Variants in RABGEF1 observed in about 807,000 individuals in gnomAD.
RABGEF1 encodes the protein RAB guanine nucleotide exchange factor 1.
A neutral mutation model predicts 57.3 loss-of-function variants in RABGEF1; 26 were observed. That is an observed-to-expected ratio of 0.45 (90% CI 0.33 to 0.63). The LOEUF is 0.63. Ranked by LOEUF, RABGEF1 falls within the 20% of genes least tolerant of loss-of-function variation. RABGEF1 has a pLI of 0.02. For missense variants in RABGEF1, 464 were observed against 607.6 expected, an observed-to-expected ratio of 0.76 and a Z score of 2.48; for synonymous variants, 185 against 210.7, an observed-to-expected ratio of 0.88 and a Z score of 1.06.
chr7:66,736,774 T>C (rs1221774539), upstream of RABGEF1, among the ~76,000 whole-genome samples: 1 of 152,080 alleles, frequency 6.6e-6, no homozygotes, highest in Admixed American at 6.6e-5. Flanking sequence ...GGTAGGAGAA[T>C]AGCTTGAACC....
At chr7:66,790,424 C>T (rs1322494902) in intron 4 of RABGEF1, among the ~76,000 whole-genome samples, 4 of 152,086 alleles carry the variant, frequency 2.6e-5, no homozygotes, top group Admixed American at 6.6e-5. Flanking sequence ...GAAAACCCAG[C>T]GTGAAAACCC....
Position 66,809,964 on chromosome 7 carries a change from T to C in RABGEF1, c.*680T>C, listed in dbSNP as rs1789231263. On this transcript the variant is annotated 3_prime_UTR_variant, in exon 9 of 9. Coordinates refer to ENST00000284957, the MANE Select transcript of RABGEF1 (RefSeq NM_014504.3). Reference sequence around the variant, plus strand: ...ATATAGTCAGAGACTATGACACCACTAAGGTTCAGAATAAAGTTTAGGCCA... The same window carrying C: ...ATATAGTCAGAGACTATGACACCACCAAGGTTCAGAATAAAGTTTAGGCCA... 6.6e-6 allele frequency: 1 copy of C among 152,610 alleles called. No individual in the cohort carries two copies. The highest frequency in any genetic ancestry group is 6.5e-5 in the Admixed American group (1 of 15,278). The allele number at this position is 152,610 out of a possible 1,614,324, so 9.5% of individuals were successfully genotyped here.
At chr7:66,668,288 G>A in the RABGEF1 span, among the ~76,000 whole-genome samples, 1 of 152,090 alleles carries the variant, frequency 6.6e-6, no homozygotes, top group Non-Finnish European at 1.5e-5. Context: ...TTAGAAATGG[G>A]GTCTGGCTAT....
At chr7:66,743,563 G>A (rs183855551) in intron 1 of RABGEF1, among the ~76,000 whole-genome samples, 8 of 151,734 alleles carry the variant, frequency 5.3e-5, no homozygotes, top group Middle Eastern at 3.4e-3. Flanking sequence ...GTGCAGTGGC[G>A]CGATCTCGGC....
At chr7:66,712,293 A>G (rs1794863794) in intron 2 of RABGEF1, 2 of 152,144 alleles carry the variant, frequency 1.3e-5, no homozygotes, top group Admixed American at 1.3e-4. Flanking sequence ...TCTAGCATAA[A>G]TATTTTGCAC....
At chr7:66,693,580 C>T (rs545575146) in intron 1 of RABGEF1, among the ~76,000 whole-genome samples, 1 of 152,266 alleles carries the variant, frequency 6.6e-6, no homozygotes, top group East Asian at 1.9e-4. Flanking sequence ...CCCACCCTGC[C>T]CTCTCCCATG....
At chr7:66,665,756 G>A in the RABGEF1 span, among the ~76,000 whole-genome samples, 1 of 152,190 alleles carries the variant, frequency 6.6e-6, no homozygotes, top group South Asian at 2.1e-4. Context: ...TTGTAGCTTG[G>A]GGGGTGGCCT....
chr7:66,809,005 G>T lies in RABGEF1; in HGVS notation c.1197G>T (p.Trp399Cys), dbSNP rs373821794. ...CCAGGAAGCAAGAAGCTGAGAGTTG[G>T]TCTCCTGATGCTTGCTTAGGCGTCA... is the stretch of plus-strand genomic sequence containing the variant. Reference protein sequence around the residue: ...TSPRKQEAESWSPDACLGVKQ... With the variant: ...TSPRKQEAESCSPDACLGVKQ... Residue 399 changes from tryptophan to cysteine, a missense_variant, in exon 9 of 9, where the codon TGG (tryptophan) becomes TGT (cysteine). Transcript: ENST00000284957. 17 of 1,614,024 alleles carry T rather than the reference G, an allele frequency of 1.1e-5. No homozygotes were observed. Among genetic ancestry groups the T allele is most frequent in the Admixed American group, 1.7e-5 (1 of 60,000 alleles).
At chr7:66,667,393 T>C in the RABGEF1 span, 4 of 152,344 alleles carry the variant, frequency 2.6e-5, no homozygotes, top group African/African-American at 9.7e-5. Context: ...TCACTGGGAA[T>C]GCAGCCTCGG....
chr7:66,806,441 C>G (rs1380056318), intron 8 of RABGEF1, among the ~76,000 whole-genome samples: 1 of 152,094 alleles, frequency 6.6e-6, no homozygotes, highest in Non-Finnish European at 1.5e-5. Flanking sequence ...GCATTGTGTT[C>G]AGCTACATGT....
chr7:66,693,538 G>A (rs899054707), intron 1 of RABGEF1, among the ~76,000 whole-genome samples: 3 of 151,704 alleles, frequency 2.0e-5, no homozygotes, highest in Admixed American at 6.6e-5. Context: ...CCCCTCCCTC[G>A]GCTGCCAGCC....
chr7:66,806,505 G>T (rs1788466818), intron 8 of RABGEF1, among the ~76,000 whole-genome samples: 1 of 152,008 alleles, frequency 6.6e-6, no homozygotes, highest in Non-Finnish European at 1.5e-5. Flanking sequence ...GGGACTTGGT[G>T]CTCTTGATCA....
At chr7:66,781,423 A>G (rs1809873594) in intron 3 of RABGEF1, among the ~76,000 whole-genome samples, 2 of 152,296 alleles carry the variant, frequency 1.3e-5, no homozygotes, top group Admixed American at 1.3e-4. Context: ...CAGTTTTGTT[A>G]CATAGGTATA....
At chr7:66,656,744 C>G in the RABGEF1 span, among the ~76,000 whole-genome samples, 1 of 150,304 alleles carries the variant, frequency 6.7e-6, no homozygotes, top group Non-Finnish European at 1.5e-5. Flanking sequence ...TGCTTGAACC[C>G]GAGAGACAGA....
upstream of RABGEF1, among the ~76,000 whole-genome samples, chr7:66,738,336 C>G (rs1000432767): frequency 6.6e-6 from 1 of 151,706 alleles, no homozygotes; most frequent in Non-Finnish European, 1.5e-5. Context: ...TCTAGCTTAA[C>G]CTTCACAAAG....
chr7:66,795,478 G>C (rs1237302162), intron 4 of RABGEF1, 33 bp from the exon 5 acceptor site: 1 of 1,544,456 alleles, frequency 6.5e-7, no homozygotes, highest in East Asian at 2.2e-5. Flanking sequence ...ACTTTGTTCA[G>C]CTACAAGCAG....
chr7:66,751,907 A>C (rs201638898), intron 1 of RABGEF1, among the ~76,000 whole-genome samples: 1 of 152,136 alleles, frequency 6.6e-6, no homozygotes, highest in Non-Finnish European at 1.5e-5. Flanking sequence ...CCAAAAGTCA[A>C]AATCTTAGGC....
intron 1 of RABGEF1, among the ~76,000 whole-genome samples, chr7:66,762,262 T>C (rs1428581890): frequency 6.6e-6 from 1 of 152,088 alleles, no homozygotes; most frequent in Non-Finnish European, 1.5e-5. Flanking sequence ...GACAGACCAA[T>C]GGGTAAATAA....
chr7:66,727,373 C>CG (rs1344939078), intron 2 of RABGEF1, among the ~76,000 whole-genome samples: 7 of 152,208 alleles, frequency 4.6e-5, no homozygotes, highest in African/African-American at 1.7e-4. Context: ...ATACCTTCCA[C>CG]GGCCTCCCTG....
Sources: allele counts gnomAD v4.1 joint callset (sites outside exome capture counted in the v4.1 genomes callset), GRCh38; gene constraint gnomAD v4.1.1; transcripts MANE v1.5; gene names NCBI Gene and HGNC (gene_info 2026-07-23, HGNC 2026-07-21).